RABGAP1L: variants seen among roughly 807,000 people sequenced by gnomAD.
RABGAP1L encodes RAB GTPase activating protein 1 like.
RABGAP1L carries 63 observed loss-of-function variants against 137.7 expected under a neutral mutation model. The observed-to-expected ratio is 0.46, with a 90% CI of 0.37 to 0.56. The LOEUF (loss-of-function observed/expected upper bound fraction) is 0.56, where lower values mean the gene tolerates loss of function less well. Ranked by LOEUF, RABGAP1L falls within the 20% of genes least tolerant of loss-of-function variation. The probability of loss-of-function intolerance (pLI) is 0.00; values close to 1 mark genes in which losing one functional copy is unlikely to be tolerated. For missense variants in RABGAP1L, 1,095 were observed against 1,244.0 expected (o/e 0.88, Z 1.80); for synonymous variants, 431 against 433.7 (o/e 0.99, Z 0.08).
chr1:174,636,570 A>G (rs558317749), intron 13 of RABGAP1L, among the ~76,000 whole-genome samples: 1 of 151,804 alleles, frequency 6.6e-6, no homozygotes, highest in Non-Finnish European at 1.5e-5. Context: ...AGTAGCCTGT[A>G]GCTTCCTGTT....
intron 19 of RABGAP1L, among the ~76,000 whole-genome samples, chr1:174,893,692 T>C (rs1383905202): frequency 1.3e-5 from 2 of 152,208 alleles, no homozygotes; most frequent in Non-Finnish European, 1.5e-5. Context: ...AACACTTCGC[T>C]AGCAGGTACT....
intron 19 of RABGAP1L, among the ~76,000 whole-genome samples, chr1:174,840,947 T>C (rs943549267): frequency 6.6e-6 from 1 of 152,106 alleles, no homozygotes; most frequent in Admixed American, 6.5e-5. Context: ...CAGACAAGAT[T>C]GAATTTAGTG....
At chr1:174,800,157 A>G in intron 18 of RABGAP1L, 3 of 1,390,140 alleles carry the variant, frequency 2.2e-6, no homozygotes, top group Non-Finnish European at 1.9e-6. Flanking sequence ...GGGTTCTCGC[A>G]GTGGATAATT....
chr1:174,535,155 T>C (rs1664801576), intron 13 of RABGAP1L, among the ~76,000 whole-genome samples: 1 of 152,200 alleles, frequency 6.6e-6, no homozygotes, highest in Non-Finnish European at 1.5e-5. Flanking sequence ...CATGCATCTT[T>C]TAGGTATAGC....
intron 11 of RABGAP1L, among the ~76,000 whole-genome samples, chr1:174,317,185 TTTTTTCTCTG>T (rs1264320168): frequency 1.3e-5 from 2 of 151,848 alleles, no homozygotes; most frequent in Non-Finnish European, 2.9e-5. Flanking sequence ...TCCCCTTTAC[TTTTTTCTCTG>T]TTTTTCTCAA....
intron 12 of RABGAP1L, among the ~76,000 whole-genome samples, chr1:174,384,195 C>A (rs1047331913): frequency 6.6e-6 from 1 of 152,090 alleles, no homozygotes; most frequent in Non-Finnish European, 1.5e-5. Context: ...CTATGTTATT[C>A]CATTTGTATG....
chr1:174,839,671 T>C (rs1015548214), intron 19 of RABGAP1L, among the ~76,000 whole-genome samples: 1 of 152,218 alleles, frequency 6.6e-6, no homozygotes, highest in African/African-American at 2.4e-5. Context: ...CAGAACAATA[T>C]TTTTTCTTTC....
chr1:174,336,070 T>C (rs56179605), intron 11 of RABGAP1L, among the ~76,000 whole-genome samples: 5,274 of 152,260 alleles, frequency 0.035, 121 homozygotes, highest in Middle Eastern at 0.088. Flanking sequence ...AAAAAAATTT[T>C]CCCCCTGAGT....
At chr1:174,745,815 G>A (rs1411615628) in intron 17 of RABGAP1L, among the ~76,000 whole-genome samples, 1 of 152,142 alleles carries the variant, frequency 6.6e-6, no homozygotes, top group Non-Finnish European at 1.5e-5. Flanking sequence ...TCCTAGGGTG[G>A]TATGTTTTCT....
At chr1:174,335,764 C>T (rs1015331430) in intron 11 of RABGAP1L, among the ~76,000 whole-genome samples, 5 of 152,134 alleles carry the variant, frequency 3.3e-5, no homozygotes, top group African/African-American at 7.2e-5. Flanking sequence ...ATTGTGCTAT[C>T]CTAAAGGCTC....
intron 18 of RABGAP1L, among the ~76,000 whole-genome samples, chr1:174,796,707 C>T (rs1002223360): frequency 1.3e-5 from 2 of 152,040 alleles, no homozygotes; most frequent in African/African-American, 4.8e-5. Context: ...ACTTGGTTTG[C>T]TCATTAAGAT....
intron 1 of RABGAP1L, among the ~76,000 whole-genome samples, chr1:174,209,731 C>T (rs1668745536): frequency 6.6e-6 from 1 of 152,180 alleles, no homozygotes; most frequent in Non-Finnish European, 1.5e-5. Flanking sequence ...GATTATACAG[C>T]ATCAAGACCT....
chr1:174,806,354 A>G (rs1689296747), intron 18 of RABGAP1L, among the ~76,000 whole-genome samples: 1 of 152,202 alleles, frequency 6.6e-6, no homozygotes, highest in Non-Finnish European at 1.5e-5. Context: ...AATCTTAGCT[A>G]CTAGGAAGAC....
At chr1:174,825,818 G>T (rs1691509729) in intron 19 of RABGAP1L, among the ~76,000 whole-genome samples, 2 of 152,216 alleles carry the variant, frequency 1.3e-5, no homozygotes, top group Admixed American at 1.3e-4. Flanking sequence ...TTGAACCCAG[G>T]AGGCAGAGGT....
intron 13 of RABGAP1L, among the ~76,000 whole-genome samples, chr1:174,535,730 G>A (rs1338182568): frequency 1.3e-5 from 2 of 152,016 alleles, no homozygotes; most frequent in Admixed American, 1.3e-4. Context: ...TAATTCCAAA[G>A]GAAAATATAT....
intron 19 of RABGAP1L, among the ~76,000 whole-genome samples, chr1:174,938,921 C>A (rs936362702): frequency 3.1e-4 from 47 of 152,112 alleles, no homozygotes; most frequent in African/African-American, 1.1e-3. Context: ...ATAAATAACA[C>A]CCCACCCCAG....
chr1:174,577,232 CACACACACACACACA>C (rs1668440528), intron 13 of RABGAP1L, among the ~76,000 whole-genome samples: 1 of 146,040 alleles, frequency 6.8e-6, no homozygotes, highest in Non-Finnish European at 1.5e-5. Flanking sequence ...CACACACACA[CACACACACACACACA>C]CACACACACA....
At chr1:174,720,286 T>C (rs866270409) in intron 17 of RABGAP1L, among the ~76,000 whole-genome samples, 29 of 134,238 alleles carry the variant, frequency 2.2e-4, no homozygotes, top group African/African-American at 9.7e-4. Flanking sequence ...GATAGATAGA[T>C]AGATAGACAG....
At chr1:174,537,487 G>T (rs1664983346) in intron 13 of RABGAP1L, among the ~76,000 whole-genome samples, 1 of 152,164 alleles carries the variant, frequency 6.6e-6, no homozygotes, top group African/African-American at 2.4e-5. Context: ...TTGGTAAAAG[G>T]TCTTGGGAAT....
Sources: allele counts gnomAD v4.1 joint callset (sites outside exome capture counted in the v4.1 genomes callset), GRCh38; gene constraint gnomAD v4.1.1; transcripts MANE v1.5; gene names NCBI Gene and HGNC (gene_info 2026-07-23, HGNC 2026-07-21).